The following CHD6 variants were observed in gnomAD, a reference collection of about 807,000 sequenced individuals.
CHD6 encodes ATP-dependent chromatin remodeler CHD6.
CHD6 carries 50 observed loss-of-function variants against 276.9 expected under a neutral mutation model. The ratio of observed to expected loss-of-function variants is 0.18; its 90% CI spans 0.14 to 0.23. The LOEUF (loss-of-function observed/expected upper bound fraction) is 0.23. Ranked by LOEUF, CHD6 falls within the 10% of genes least tolerant of loss-of-function variation. CHD6 has a pLI of 1.00. For missense variants in CHD6, 2,564 were observed against 3,365.8 expected, an observed-to-expected ratio of 0.76 and a Z score of 5.89; for synonymous variants, 1,173 against 1,229.3, an observed-to-expected ratio of 0.95 and a Z score of 0.96.
chr20:41,424,519 T>C (rs980996815), intron 29 of CHD6, among the ~76,000 whole-genome samples: 3 of 152,350 alleles, frequency 2.0e-5, no homozygotes, highest in African/African-American at 4.8e-5. Flanking sequence ...CATATATTCC[T>C]TGAACTATCG....
chr20:41,421,100 A>T lies in CHD6; in HGVS notation c.5535T>A (p.Ile1845=). The T allele has an allele frequency of 6.2e-7, 1 of 1,614,136 alleles. No homozygotes were observed. The highest frequency in any genetic ancestry group is 8.5e-7 in the Non-Finnish European group (1 of 1,180,014). Residue 1845 remains isoleucine, a synonymous_variant, in exon 31 of 37, where the codon ATT becomes ATA. Coordinates refer to ENST00000373233, the MANE Select transcript of CHD6 (RefSeq NM_032221.5). ...CTAAGCTTTTGTTTTCCAATAAATC[A>T]ATTAATTGCTGATCTGATGACAGGT... ...KRNLSSDQQL[I]DLLENKSLES...
intron 5 of CHD6, among the ~76,000 whole-genome samples, chr20:41,502,712 A>G (rs1183665652): frequency 1.3e-5 from 2 of 152,226 alleles, no homozygotes; most frequent in Non-Finnish European, 2.9e-5. Context: ...GCAGTATTAA[A>G]TAACCATATG....
intron 1 of CHD6, among the ~76,000 whole-genome samples, chr20:41,562,875 A>C (rs930808884): frequency 1.3e-5 from 2 of 152,172 alleles, no homozygotes; most frequent in East Asian, 3.9e-4. Flanking sequence ...CACAGCTGTA[A>C]AGCTTGGACT....
chr20:41,544,606 C>G (rs926662761), intron 2 of CHD6, among the ~76,000 whole-genome samples: 1 of 150,976 alleles, frequency 6.6e-6, no homozygotes, highest in African/African-American at 2.4e-5. Flanking sequence ...AACCACAGTG[C>G]AATTTAAATA....
At chr20:41,496,529 G>A (rs1441309347) in intron 8 of CHD6, among the ~76,000 whole-genome samples, 1 of 152,116 alleles carries the variant, frequency 6.6e-6, no homozygotes, top group East Asian at 1.9e-4. Context: ...TGGATACAAA[G>A]CTCTATTCAA....
At position 41,455,708 on chromosome 20, in the gene CHD6, C is replaced by G. The variant is rs146575702; in HGVS notation, c.3009+92G>C. ...GCAGCCAATTTCTAGGATTTGCATT[C>G]AGAGAAACAGAAGCCCTGCTAATGG... is the stretch of plus-strand genomic sequence containing the variant. On this transcript the variant is annotated intron_variant, in intron 19 of 36. Coordinates refer to ENST00000373233, the MANE Select transcript of CHD6 (RefSeq NM_032221.5). 85 of 812,526 alleles carry G rather than the reference C, an allele frequency of 1.0e-4. No homozygotes were observed. The African/African-American group carries it at 1.4e-3, about 13-fold the overall frequency. 50.3% of individuals were successfully genotyped at this position (812,526 alleles called of 1,614,324 possible).
chr20:41,551,328 T>C lies in CHD6; in HGVS notation c.10A>G (p.Lys4Glu). 1 of 1,465,818 alleles carries C rather than the reference T, an allele frequency of 6.8e-7. No homozygotes were observed. Among genetic ancestry groups the C allele is most frequent in the South Asian group, 1.2e-5 (1 of 86,900 alleles). The allele number at this position is 1,465,818 out of a possible 1,614,324, so 90.8% of individuals were successfully genotyped here. MKM[K>E]IQKKEKQLSN... Reference sequence around the variant, plus strand: ...ACCTGCTTCTCTTTTTTCTGTATTTTCATTTTCATCTATTGAAGGAAGATA... The same window carrying C: ...ACCTGCTTCTCTTTTTTCTGTATTTCCATTTTCATCTATTGAAGGAAGATA... The change falls in exon 2 of 37, where the codon AAA becomes GAA. Residue 4 changes from lysine (K) to glutamate (E), a missense_variant. Physicochemically the swap from Lys to Glu is moderately conservative, Grantham distance 56 (BLOSUM62 1). Coordinates refer to ENST00000373233, the MANE Select transcript of CHD6 (RefSeq NM_032221.5).
intron 2 of CHD6, among the ~76,000 whole-genome samples, chr20:41,550,466 C>T (rs901481289): frequency 2.6e-5 from 4 of 152,262 alleles, no homozygotes; most frequent in South Asian, 4.1e-4. Context: ...AGGGGGTAGT[C>T]CTTGTAACCA....
At chr20:41,444,731 C>T (rs1204025196) in intron 25 of CHD6, among the ~76,000 whole-genome samples, 1 of 152,074 alleles carries the variant, frequency 6.6e-6, no homozygotes, top group African/African-American at 2.4e-5. Flanking sequence ...ATGTACCAAG[C>T]ACTGTTCTAG....
chr20:41,565,685 G>C (rs998660515), intron 1 of CHD6, among the ~76,000 whole-genome samples: 8 of 131,120 alleles, frequency 6.1e-5, no homozygotes, highest in Non-Finnish European at 1.1e-4. Context: ...TTCCAATTCG[G>C]CTCTCTTAGT....
At chr20:41,581,481 C>A (rs1049074151) in intron 1 of CHD6, among the ~76,000 whole-genome samples, 1 of 152,084 alleles carries the variant, frequency 6.6e-6, no homozygotes, top group African/African-American at 2.4e-5. Context: ...TCGAGACCAT[C>A]CTGGCCAACA....
chr20:41,597,275 G>A (rs772218093), intron 1 of CHD6, among the ~76,000 whole-genome samples: 7 of 151,996 alleles, frequency 4.6e-5, no homozygotes, highest in African/African-American at 9.6e-5. Context: ...ACGTAAATCC[G>A]AACTGCTCCC....
intron 25 of CHD6, among the ~76,000 whole-genome samples, chr20:41,444,744 G>A (rs1198100497): frequency 6.6e-6 from 1 of 152,006 alleles, no homozygotes. Flanking sequence ...TGTTCTAGGT[G>A]GTCTACATTT....
intron 17 of CHD6, among the ~76,000 whole-genome samples, chr20:41,467,611 A>G (rs1210599148): frequency 7.1e-6 from 1 of 141,732 alleles, no homozygotes; most frequent in Non-Finnish European, 1.5e-5. Context: ...GCTCTCGCCC[A>G]TCTTCCCAGC....
At chr20:41,543,289 G>C (rs566207923) in intron 2 of CHD6, among the ~76,000 whole-genome samples, 33 of 152,274 alleles carry the variant, frequency 2.2e-4, no homozygotes, top group African/African-American at 7.7e-4. Flanking sequence ...CCCACGGCTA[G>C]TAAGTGGTAA....
At chr20:41,412,943 A>G (rs974585424) in intron 35 of CHD6, among the ~76,000 whole-genome samples, 1 of 152,182 alleles carries the variant, frequency 6.6e-6, no homozygotes, top group Non-Finnish European at 1.5e-5. Context: ...ACCACCACAA[A>G]TGGAACGTAT....
At chr20:41,506,623 AG>A (rs1384460801) in intron 5 of CHD6, among the ~76,000 whole-genome samples, 1 of 152,142 alleles carries the variant, frequency 6.6e-6, no homozygotes, top group East Asian at 1.9e-4. Flanking sequence ...TTGATGTACT[AG>A]GTAATTTTCT....
intron 1 of CHD6, among the ~76,000 whole-genome samples, chr20:41,565,097 A>ATT (rs762728208): frequency 5.7e-5 from 8 of 141,410 alleles, no homozygotes; most frequent in African/African-American, 1.8e-4. Context: ...AAGATAATGG[A>ATT]TTTTTTTTTT....
At chr20:41,600,255 G>A (rs894594778) in intron 1 of CHD6, among the ~76,000 whole-genome samples, 1 of 152,092 alleles carries the variant, frequency 6.6e-6, no homozygotes, top group Non-Finnish European at 1.5e-5. Context: ...ACCCTCAATG[G>A]CACAAATCAT....
Sources: gnomAD v4.1 joint callset for allele counts (sites outside exome capture counted in the v4.1 genomes callset) on GRCh38, gnomAD v4.1.1 for gene constraint, MANE v1.5 for transcripts, NCBI Gene and HGNC (gene_info 2026-07-23, HGNC 2026-07-21) for gene names.